The following DYNC2I1 variants were observed in gnomAD, a reference collection of about 807,000 sequenced individuals.
DYNC2I1 encodes cytoplasmic dynein 2 intermediate chain 1.
Under a neutral mutation model 133.4 loss-of-function variants are expected in DYNC2I1, and 89 were observed. The observed-to-expected ratio is 0.67, with a 90% CI of 0.56 to 0.80. DYNC2I1 has a LOEUF of 0.80. Ranked by LOEUF, DYNC2I1 falls within the 30% of genes least tolerant of loss-of-function variation. The pLI is 0.00. For synonymous variants in DYNC2I1, 504 were observed against 484.3 expected, an observed-to-expected ratio of 1.04 and a Z score of -0.54; for missense variants, 1,291 against 1,314.5, an observed-to-expected ratio of 0.98 and a Z score of 0.28.
chr7:158,890,628 G>A (rs566343605), intron 7 of DYNC2I1, among the ~76,000 whole-genome samples: 5 of 151,172 alleles, frequency 3.3e-5, no homozygotes, highest in East Asian at 1.9e-4. Context: ...ACTGAGTTTC[G>A]CTCTTGTCGC....
chr7:158,944,478 G>A (rs1181883859), intron 24 of DYNC2I1, among the ~76,000 whole-genome samples: 2 of 152,206 alleles, frequency 1.3e-5, no homozygotes, highest in Admixed American at 6.5e-5. Flanking sequence ...CAAGTCTGCA[G>A]CTAAACATTG....
chr7:158,900,660 T>C (rs1205317096), intron 8 of DYNC2I1, among the ~76,000 whole-genome samples: 2 of 152,088 alleles, frequency 1.3e-5, no homozygotes, highest in Non-Finnish European at 2.9e-5. Context: ...CTTTCTCTCT[T>C]CTTCTGCCAT....
downstream of DYNC2I1, among the ~76,000 whole-genome samples, chr7:158,950,167 G>A (rs1430367297): frequency 6.6e-6 from 1 of 152,204 alleles, no homozygotes; most frequent in Non-Finnish European, 1.5e-5. Flanking sequence ...AGGTTCAAGT[G>A]ATTCTCGTGC....
upstream of DYNC2I1, among the ~76,000 whole-genome samples, chr7:158,853,935 G>A (rs1169150193): frequency 1.3e-5 from 2 of 151,708 alleles, no homozygotes; most frequent in African/African-American, 2.4e-5. Context: ...TTACAGGCAT[G>A]AGCCACCATG....
intron 1 of DYNC2I1, among the ~76,000 whole-genome samples, chr7:158,867,384 C>T (rs1420180775): frequency 6.6e-6 from 1 of 152,194 alleles, no homozygotes; most frequent in Non-Finnish European, 1.5e-5. Flanking sequence ...TGAGGTTCTG[C>T]TGAGGCCTCA....
intron 1 of DYNC2I1, among the ~76,000 whole-genome samples, chr7:158,864,122 G>T (rs1465367858): frequency 1.3e-5 from 2 of 150,234 alleles, no homozygotes; most frequent in Non-Finnish European, 3.0e-5. Flanking sequence ...TCCGGGTGTG[G>T]GGGGGGGAGC....
intron 1 of DYNC2I1, chr7:158,869,471 G>A (rs1433032952): frequency 2.1e-6 from 1 of 472,826 alleles, no homozygotes; most frequent in South Asian, 1.5e-5. Context: ...GACTCCCTCT[G>A]TGTGCACAGC....
At chr7:158,924,151 A>G (rs1281828494) in intron 17 of DYNC2I1, among the ~76,000 whole-genome samples, 3 of 152,196 alleles carry the variant, frequency 2.0e-5, no homozygotes, top group Admixed American at 6.5e-5. Context: ...CATTCATACT[A>G]TGCCGTGCCC....
intron 10 of DYNC2I1, chr7:158,904,639 T>C (rs1439704770): frequency 1.3e-5 from 2 of 152,622 alleles, no homozygotes; most frequent in African/African-American, 2.4e-5. Flanking sequence ...TCACATCTTA[T>C]AATGTCTGTG....
At chr7:158,889,192 T>C (rs570089858) in intron 7 of DYNC2I1, among the ~76,000 whole-genome samples, 7 of 151,810 alleles carry the variant, frequency 4.6e-5, no homozygotes, top group African/African-American at 1.7e-4. Context: ...GCCATTCTCC[T>C]GCCTCAGCCT....
In DYNC2I1 at chr7:158,935,269, C is replaced by T. The variant is rs566014523; in HGVS notation, c.2778+720C>T. 1.1e-4 allele frequency among the ~76,000 whole-genome samples: 17 copies of T among 152,374 alleles called. 1 individual carries two copies. The South Asian group carries it at 3.5e-3, about 32-fold the overall frequency. ...TGCGAGCTGCTTGCTGTCTTCCCCT[C>T]CAGGGCCTGGTGTCAGCCCAGCTCA... is the stretch of plus-strand genomic sequence containing the variant. On this transcript the variant is annotated intron_variant, in intron 23 of 24. Transcript: ENST00000407559.
intron 1 of DYNC2I1, among the ~76,000 whole-genome samples, chr7:158,868,681 C>T (rs1381385970): frequency 1.3e-5 from 2 of 152,168 alleles, no homozygotes; most frequent in East Asian, 1.9e-4. Flanking sequence ...GTGTAGCAGA[C>T]GGGTGTGATA....
intron 18 of DYNC2I1, 35 bp downstream of exon 18, chr7:158,926,335 C>T (rs755049919): frequency 6.2e-7 from 1 of 1,601,866 alleles, no homozygotes; most frequent in East Asian, 2.2e-5. Flanking sequence ...AATCCTTCAT[C>T]AATGGTTGTG....
intron 20 of DYNC2I1, among the ~76,000 whole-genome samples, chr7:158,929,157 A>G (rs1188840140): frequency 2.0e-5 from 3 of 152,140 alleles, no homozygotes; most frequent in African/African-American, 7.2e-5. Context: ...GGAAGGGAGG[A>G]CGTTCCGACC....
At position 158,945,495 on chromosome 7, in the gene DYNC2I1, T is replaced by G; in HGVS notation, c.3003-86T>G. On this transcript the variant is annotated intron_variant, in intron 24 of 24. Coordinates refer to ENST00000407559, the MANE Select transcript of DYNC2I1 (RefSeq NM_018051.5). The surrounding 1 kb of genome is among the most constrained non-coding windows in gnomAD (Gnocchi z 4.1). ...TTTCTCATCCGTTTCACTCTTCCCA[T>G]GGAAGGTAGACATTTTGAAGACTCA... 1 of 1,374,034 alleles carries G rather than the reference T, an allele frequency of 7.3e-7. No homozygotes were observed. The highest frequency in any genetic ancestry group is 9.8e-7 in the Non-Finnish European group (1 of 1,016,456). 85.1% of individuals were successfully genotyped at this position (1,374,034 alleles called of 1,614,324 possible). A position where few individuals can be genotyped will look rare whatever the true frequency, so the allele number is the denominator to read the frequency against.
intron 12 of DYNC2I1, among the ~76,000 whole-genome samples, chr7:158,912,533 A>T (rs1847590135): frequency 6.6e-6 from 1 of 152,150 alleles, no homozygotes; most frequent in Non-Finnish European, 1.5e-5. Context: ...ATCATATCTC[A>T]CTGTAGCCTT....
At chr7:158,850,794 G>A in the DYNC2I1 span, among the ~76,000 whole-genome samples, 1 of 152,132 alleles carries the variant, frequency 6.6e-6, no homozygotes, top group Non-Finnish European at 1.5e-5. Context: ...CAAAAAAAGA[G>A]TTCCATAATA....
intron 14 of DYNC2I1, among the ~76,000 whole-genome samples, chr7:158,918,403 T>C (rs1197432662): frequency 2.6e-5 from 4 of 152,274 alleles, no homozygotes; most frequent in Admixed American, 6.5e-5. Context: ...TGAGAGAGAC[T>C]CGGTGGGTTC....
chr7:158,899,820 C>T (rs1846074285), intron 8 of DYNC2I1, among the ~76,000 whole-genome samples: 1 of 152,132 alleles, frequency 6.6e-6, no homozygotes, highest in Admixed American at 6.5e-5. Context: ...AACTGTAAGT[C>T]CAATGAAACC....
Sources: gnomAD v4.1 joint callset for allele counts (sites outside exome capture counted in the v4.1 genomes callset) on GRCh38, gnomAD v4.1.1 for gene constraint, Gnocchi (gnomAD v3.1) non-coding constraint, MANE v1.5 for transcripts, NCBI Gene and HGNC (gene_info 2026-07-23, HGNC 2026-07-21) for gene names.